The following FOXN3 variants were observed in gnomAD, a reference collection of about 807,000 sequenced individuals.
FOXN3 encodes forkhead box protein N3.
In FOXN3, 7 loss-of-function variants were observed where a neutral mutation model predicts 38.4. The ratio of observed to expected loss-of-function variants is 0.18; its 90% CI spans 0.10 to 0.34. The LOEUF is 0.34. Among genes scored for constraint, FOXN3 ranks in the 10% least tolerant of loss-of-function variants. FOXN3 has a pLI of 1.00. For missense variants in FOXN3, 456 were observed against 613.4 expected (o/e 0.74, Z 2.71); for synonymous variants, 230 against 242.2 (o/e 0.95, Z 0.47).
At chr14:89,351,089 C>G (rs1208455345) in intron 2 of FOXN3, 1 of 223,736 alleles carries the variant, frequency 4.5e-6, no homozygotes, top group Non-Finnish European at 8.6e-6. Context: ...ATGAGAATCT[C>G]ATTGTTTTTC....
upstream of FOXN3, among the ~76,000 whole-genome samples, chr14:89,421,734 G>A (rs1891915410): frequency 6.6e-6 from 1 of 151,644 alleles, no homozygotes; most frequent in African/African-American, 2.4e-5. Context: ...TCTCCACGTT[G>A]GTCAGGCTGG....
At chr14:89,522,940 C>A (rs570147780) in intron 1 of FOXN3, among the ~76,000 whole-genome samples, 29 of 150,480 alleles carry the variant, frequency 1.9e-4, no homozygotes, top group East Asian at 7.7e-4. Flanking sequence ...TAAAAAAAAA[C>A]CCCACAAGAC....
chr14:89,505,688 G>A (rs1268554618), intron 1 of FOXN3, among the ~76,000 whole-genome samples: 1 of 151,988 alleles, frequency 6.6e-6, no homozygotes, highest in Admixed American at 6.6e-5. Context: ...GCCTCTGCCC[G>A]GCCACCACCC....
At chr14:89,408,554 G>A (rs1431630980) in intron 2 of FOXN3, among the ~76,000 whole-genome samples, 2 of 149,760 alleles carry the variant, frequency 1.3e-5, no homozygotes, top group Non-Finnish European at 3.0e-5. Flanking sequence ...GTGCCCGGCT[G>A]GGAATTGTTT....
chr14:89,167,162 C>T (rs79087784), intron 5 of FOXN3, among the ~76,000 whole-genome samples: 1 of 152,364 alleles, frequency 6.6e-6, no homozygotes, highest in East Asian at 1.9e-4. Flanking sequence ...AAACCTGGTA[C>T]TCATTCTCTT....
intron 3 of FOXN3, among the ~76,000 whole-genome samples, chr14:89,332,963 G>A (rs567336911): frequency 6.6e-6 from 1 of 152,278 alleles, no homozygotes; most frequent in Admixed American, 6.5e-5. Flanking sequence ...CAAATATCCA[G>A]CAGGTATATG....
At chr14:89,243,001 T>C (rs1273668753) in intron 4 of FOXN3, among the ~76,000 whole-genome samples, 1 of 152,164 alleles carries the variant, frequency 6.6e-6, no homozygotes, top group East Asian at 1.9e-4. Context: ...CCAAGTTTCT[T>C]CCCCGAGTCC....
At chr14:89,444,442 T>C (rs754721832) in intron 1 of FOXN3, among the ~76,000 whole-genome samples, 57 of 150,960 alleles carry the variant, frequency 3.8e-4, no homozygotes, top group Admixed American at 8.6e-4. Context: ...AGAAACAACA[T>C]AGGTCAGGCC....
At chr14:89,201,761 C>T (rs1888241802) in intron 4 of FOXN3, among the ~76,000 whole-genome samples, 2 of 152,188 alleles carry the variant, frequency 1.3e-5, no homozygotes, top group African/African-American at 4.8e-5. Flanking sequence ...CCCCAACCAT[C>T]ACTTCTCTCC....
rs146433110 is a variant in FOXN3 at position 89,607,334 on chromosome 14, G to A, written c.-15+11694C>T. On this transcript the variant is annotated intron_variant, in intron 1 of 6. Transcript: ENST00000345097. ...AGCACTTTGGGAGGCCGAGGCAGGC[G>A]GATCACTTGAGGTCAGGAGTTTGAG... Among the ~76,000 whole-genome samples, 410 of 152,128 alleles carry A rather than the reference G, an allele frequency of 2.7e-3. 4 individuals are homozygous for A. Among genetic ancestry groups the A allele is most frequent in the African/African-American group, 8.6e-3 (355 of 41,490 alleles).
intron 4 of FOXN3, among the ~76,000 whole-genome samples, chr14:89,253,648 C>T (rs541891252): frequency 3.0e-4 from 46 of 152,228 alleles, no homozygotes; most frequent in Non-Finnish European, 5.3e-4. Flanking sequence ...AAAATTCAAT[C>T]CTGTTTTAAA....
intron 1 of FOXN3, among the ~76,000 whole-genome samples, chr14:89,553,571 G>A (rs1266774991): frequency 1.3e-5 from 2 of 152,072 alleles, no homozygotes; most frequent in Non-Finnish European, 2.9e-5. Context: ...ATCTCAAGAT[G>A]TCTGACACCC....
intron 3 of FOXN3, among the ~76,000 whole-genome samples, chr14:89,306,997 A>T (rs1887398594): frequency 6.6e-6 from 1 of 152,246 alleles, no homozygotes; most frequent in Non-Finnish European, 1.5e-5. Context: ...AGTTTGCAGA[A>T]GCCTGAAGTG....
chr14:89,222,263 C>T (rs1884491531), intron 4 of FOXN3, among the ~76,000 whole-genome samples: 1 of 152,192 alleles, frequency 6.6e-6, no homozygotes, highest in Non-Finnish European at 1.5e-5. Flanking sequence ...TGGACAGAGT[C>T]AACTAAAGCT....
chr14:89,508,476 G>A (rs557461391), intron 1 of FOXN3, among the ~76,000 whole-genome samples: 1 of 152,336 alleles, frequency 6.6e-6, no homozygotes, highest in South Asian at 2.1e-4. Flanking sequence ...CCACCCCAGA[G>A]AGAGATTGGT....
intron 4 of FOXN3, among the ~76,000 whole-genome samples, chr14:89,229,608 C>G (rs1423570294): frequency 6.6e-6 from 1 of 152,136 alleles, no homozygotes; most frequent in African/African-American, 2.4e-5. Flanking sequence ...GCTACTGACC[C>G]TTCCCTAGCA....
chr14:89,176,182 A>G (rs1287874159), intron 5 of FOXN3, among the ~76,000 whole-genome samples: 1 of 152,252 alleles, frequency 6.6e-6, no homozygotes, highest in Non-Finnish European at 1.5e-5. Flanking sequence ...TCAACACCGT[A>G]AAGTCAATTA....
chr14:89,289,696 T>TA (rs1434209093), intron 3 of FOXN3, among the ~76,000 whole-genome samples: 1 of 152,238 alleles, frequency 6.6e-6, no homozygotes, highest in Non-Finnish European at 1.5e-5. Flanking sequence ...TTACATCTTT[T>TA]AAAAGCGTGG....
intron 3 of FOXN3, among the ~76,000 whole-genome samples, chr14:89,287,345 A>ATGGG (rs1886659697): frequency 6.6e-6 from 1 of 152,014 alleles, no homozygotes; most frequent in African/African-American, 2.4e-5. Context: ...GTAGAGACAC[A>ATGGG]GTTTCGCCAT....
Sources: gnomAD v4.1 joint callset for allele counts (sites outside exome capture counted in the v4.1 genomes callset) on GRCh38, gnomAD v4.1.1 for gene constraint, MANE v1.5 for transcripts, NCBI Gene and HGNC (gene_info 2026-07-23, HGNC 2026-07-21) for gene names.